The following RGL1 variants were observed in gnomAD, a reference collection of about 807,000 sequenced individuals.
RGL1 encodes ral guanine nucleotide dissociation stimulator-like 1.
Under a neutral mutation model 95.2 loss-of-function variants are expected in RGL1, and 24 were observed. The observed-to-expected ratio is 0.25, with a 90% CI of 0.18 to 0.35. RGL1 has a LOEUF of 0.35. RGL1 is among the 10% of genes least tolerant of loss of function. The pLI, the probability that RGL1 is intolerant of heterozygous loss-of-function variation, is 1.00. For synonymous variants in RGL1, 329 were observed against 344.9 expected (o/e 0.95, Z 0.51); for missense variants, 715 against 936.3 (o/e 0.76, Z 3.08).
intron 11 of RGL1, among the ~76,000 whole-genome samples, chr1:183,901,621 T>G (rs1668029719): frequency 1.3e-5 from 2 of 152,166 alleles, no homozygotes; most frequent in African/African-American, 4.8e-5. Context: ...CTTTTTGTAT[T>G]GCTGCCTGCT....
At chr1:183,734,727 T>C (rs1483227012) in intron 1 of RGL1, among the ~76,000 whole-genome samples, 2 of 152,254 alleles carry the variant, frequency 1.3e-5, no homozygotes, top group Non-Finnish European at 2.9e-5. Context: ...TCTTGTTTCA[T>C]GCTTTCCAGC....
At chr1:183,774,387 A>C (rs1039360449) in intron 2 of RGL1, among the ~76,000 whole-genome samples, 1 of 152,194 alleles carries the variant, frequency 6.6e-6, no homozygotes, top group South Asian at 2.1e-4. Context: ...ATTTTTAAAC[A>C]TCTAGTCTCG....
At chr1:183,769,691 C>T (rs1012294594) in intron 2 of RGL1, among the ~76,000 whole-genome samples, 6 of 152,250 alleles carry the variant, frequency 3.9e-5, no homozygotes, top group Non-Finnish European at 5.9e-5. Context: ...AACACGTTCA[C>T]GTGGCTACAC....
At position 183,925,551 on chromosome 1, in the gene RGL1, T is replaced by TA. The variant is rs397711290; in HGVS notation, c.2120-547dup. On this transcript the variant is annotated intron_variant, in intron 17 of 17. Coordinates refer to ENST00000360851, the MANE Select transcript of RGL1 (RefSeq NM_001297671.3). ...CCCAAAACTTAAAGTAAAATTTTTTTAAAAAAATATACATACTTTCCTACA... is the reference window on the plus strand; with the variant it reads ...CCCAAAACTTAAAGTAAAATTTTTTTAAAAAAAATATACATACTTTCCTACA... 3.4e-4 allele frequency among the ~76,000 whole-genome samples: 52 copies of TA among 152,118 alleles called. No individual in the cohort carries two copies. The South Asian group carries it at 4.0e-3, about 12-fold the overall frequency.
At chr1:183,674,736 G>A (rs965143630) in intron 1 of RGL1, among the ~76,000 whole-genome samples, 3 of 152,170 alleles carry the variant, frequency 2.0e-5, no homozygotes, top group Non-Finnish European at 2.9e-5. Context: ...ATTATGTACC[G>A]GTAGTGAGCC....
intron 2 of RGL1, among the ~76,000 whole-genome samples, chr1:183,786,083 CA>C (rs1660165344): frequency 6.6e-6 from 1 of 151,628 alleles, no homozygotes. Flanking sequence ...TTCAATCAAT[CA>C]ATCAATCAAT....
At chr1:183,650,638 A>G (rs766645284) in intron 1 of RGL1, among the ~76,000 whole-genome samples, 4 of 151,682 alleles carry the variant, frequency 2.6e-5, no homozygotes, top group Non-Finnish European at 4.4e-5. Flanking sequence ...TTATTATAAC[A>G]CTTTGATAAA....
chr1:183,892,041 C>T, intron 8 of RGL1, 36 bp from the exon 9 acceptor site: 1 of 1,536,312 alleles, frequency 6.5e-7, no homozygotes, highest in Non-Finnish European at 9.0e-7. Flanking sequence ...ATTCCTAACT[C>T]TTCATTGTTA....
chr1:183,664,469 A>G (rs1651887662), intron 1 of RGL1, among the ~76,000 whole-genome samples: 1 of 152,134 alleles, frequency 6.6e-6, no homozygotes, highest in Non-Finnish European at 1.5e-5. Context: ...TTGACAAATA[A>G]AGGAACTTGG....
chr1:183,923,336 C>T (rs192368222), intron 17 of RGL1, among the ~76,000 whole-genome samples: 4 of 152,334 alleles, frequency 2.6e-5, no homozygotes, highest in Admixed American at 2.0e-4. Flanking sequence ...TTAAAAGCTA[C>T]AGCCTCTGGG....
At chr1:183,769,327 C>T (rs1200002770) in intron 2 of RGL1, among the ~76,000 whole-genome samples, 1 of 152,210 alleles carries the variant, frequency 6.6e-6, no homozygotes, top group Non-Finnish European at 1.5e-5. Flanking sequence ...GCTTTATAAT[C>T]TTCTGTGCCA....
At chr1:183,666,207 G>T (rs1299391047) in intron 1 of RGL1, among the ~76,000 whole-genome samples, 1 of 151,830 alleles carries the variant, frequency 6.6e-6, no homozygotes, top group African/African-American at 2.4e-5. Flanking sequence ...GTTTCTCCAT[G>T]TTGGTCAGGC....
intron 14 of RGL1, among the ~76,000 whole-genome samples, chr1:183,911,602 A>G (rs1441833790): frequency 6.6e-6 from 1 of 152,210 alleles, no homozygotes; most frequent in South Asian, 2.1e-4. Flanking sequence ...AGCTCAACTA[A>G]AAAGAGTTTT....
intron 4 of RGL1, among the ~76,000 whole-genome samples, chr1:183,873,952 G>A (rs1010257971): frequency 6.6e-6 from 1 of 152,160 alleles, no homozygotes; most frequent in African/African-American, 2.4e-5. Flanking sequence ...TTCTAGTGGT[G>A]AAAACTATAG....
At chr1:183,745,814 CTT>C (rs2102267723) in intron 2 of RGL1, among the ~76,000 whole-genome samples, 1 of 152,166 alleles carries the variant, frequency 6.6e-6, no homozygotes, top group East Asian at 1.9e-4. Context: ...TAAGCAGAAA[CTT>C]GTTGGGAATT....
intron 2 of RGL1, among the ~76,000 whole-genome samples, chr1:183,827,857 C>G (rs1198735045): frequency 6.6e-6 from 1 of 152,208 alleles, no homozygotes; most frequent in African/African-American, 2.4e-5. Context: ...AGTGTCCCCA[C>G]TTTAATTAGA....
In RGL1 at chr1:183,884,903, G is replaced by A; in HGVS notation, c.916G>A (p.Ala306Thr). 1 of 1,614,104 alleles carries A rather than the reference G, an allele frequency of 6.2e-7. No individual in the cohort carries two copies. Among genetic ancestry groups the A allele is most frequent in the Non-Finnish European group, 8.5e-7 (1 of 1,179,984 alleles). Residue 306 changes from alanine (A) to threonine (T), a missense_variant, in exon 7 of 18, where the codon GCC becomes ACC. Ala to Thr is a moderately conservative substitution (Grantham distance 58). Coordinates refer to ENST00000360851, the MANE Select transcript of RGL1 (RefSeq NM_001297671.3). ...GGKELKTQQRAKIIEKWINIA... is the reference protein window; with the variant it reads ...GGKELKTQQRTKIIEKWINIA... ...CAAAGAACTCAAAACTCAGCAGAGA[G>A]CCAAAATCATTGAGAAGTGGATCAA...
At chr1:183,714,446 A>G (rs887712983) in intron 1 of RGL1, among the ~76,000 whole-genome samples, 3 of 152,202 alleles carry the variant, frequency 2.0e-5, no homozygotes, top group Non-Finnish European at 4.4e-5. Flanking sequence ...CCAATGCCAC[A>G]AAATCACTGA....
At chr1:183,649,707 A>T (rs943011464) in intron 1 of RGL1, among the ~76,000 whole-genome samples, 6 of 152,222 alleles carry the variant, frequency 3.9e-5, no homozygotes, top group African/African-American at 1.4e-4. Context: ...TCAAATTAGT[A>T]GTTTCTGGGA....
Sources: allele counts gnomAD v4.1 joint callset (sites outside exome capture counted in the v4.1 genomes callset), GRCh38; gene constraint gnomAD v4.1.1; transcripts MANE v1.5; gene names NCBI Gene and HGNC (gene_info 2026-07-23, HGNC 2026-07-21).